The following SLC9A9 variants were observed in gnomAD, a reference collection of about 807,000 sequenced individuals.
The protein encoded by SLC9A9 is solute carrier family 9 member A9, also known as sodium/hydrogen exchanger 9.
SLC9A9 carries 62 observed loss-of-function variants against 77.8 expected under a neutral mutation model. The observed-to-expected ratio is 0.80, with a 90% CI of 0.65 to 0.98. SLC9A9 has a LOEUF of 0.98. SLC9A9 is among the 50% of genes least tolerant of loss of function. The pLI, the probability that SLC9A9 is intolerant of heterozygous loss-of-function variation, is 0.00. For synonymous variants in SLC9A9, 320 were observed against 283.5 expected (o/e 1.13, Z -1.29); for missense variants, 775 against 774.9 (o/e 1.00, Z 0.00).
At chr3:143,667,630 T>A (rs1430094222) in intron 5 of SLC9A9, among the ~76,000 whole-genome samples, 3 of 151,962 alleles carry the variant, frequency 2.0e-5, no homozygotes, top group Non-Finnish European at 4.4e-5. Context: ...TAAACAAATT[T>A]ACAAGAAAAA....
At chr3:143,450,792 C>T (rs536302974) in intron 12 of SLC9A9, among the ~76,000 whole-genome samples, 1 of 152,306 alleles carries the variant, frequency 6.6e-6, no homozygotes, top group South Asian at 2.1e-4. Context: ...ACACAGGCTG[C>T]AGTGGAGGCA....
At chr3:143,382,175 T>G in intron 12 of SLC9A9, 61 bp from the exon 13 acceptor site, 1 of 1,561,742 alleles carries the variant, frequency 6.4e-7, no homozygotes, top group Non-Finnish European at 8.8e-7. Flanking sequence ...GACAGTCTTG[T>G]GTGTCAGATG....
intron 4 of SLC9A9, among the ~76,000 whole-genome samples, chr3:143,740,514 TTA>T (rs1296833906): frequency 5.3e-5 from 8 of 152,224 alleles, no homozygotes; most frequent in Admixed American, 2.6e-4. Context: ...AGTAGGCTAG[TTA>T]TATGTTTCTT....
At chr3:143,702,610 A>G (rs1441865764) in intron 4 of SLC9A9, among the ~76,000 whole-genome samples, 1 of 152,136 alleles carries the variant, frequency 6.6e-6, no homozygotes, top group Admixed American at 6.5e-5. Context: ...ACATACCACC[A>G]GAGAACATCA....
At chr3:143,786,812 T>C (rs925363609) in intron 4 of SLC9A9, among the ~76,000 whole-genome samples, 2 of 152,130 alleles carry the variant, frequency 1.3e-5, no homozygotes, top group African/African-American at 4.8e-5. Flanking sequence ...AGAGGAAGCA[T>C]GGGGTCTTCC....
At chr3:143,774,739 A>G (rs1394427955) in intron 4 of SLC9A9, among the ~76,000 whole-genome samples, 1 of 152,176 alleles carries the variant, frequency 6.6e-6, no homozygotes, top group Non-Finnish European at 1.5e-5. Context: ...AAAGTTTTAT[A>G]TTATACATAT....
chr3:143,418,792 T>C (rs1482188738), intron 12 of SLC9A9, among the ~76,000 whole-genome samples: 2 of 152,196 alleles, frequency 1.3e-5, no homozygotes, highest in East Asian at 3.9e-4. Flanking sequence ...AACAGAGGCT[T>C]GATTGTGTGA....
At chr3:143,314,950 CTCTA>C (rs1228325112) in intron 14 of SLC9A9, among the ~76,000 whole-genome samples, 4 of 152,320 alleles carry the variant, frequency 2.6e-5, no homozygotes, top group South Asian at 2.1e-4. Context: ...CTGGACAGTG[CTCTA>C]TCTATTAGCC....
intron 1 of SLC9A9, among the ~76,000 whole-genome samples, chr3:143,837,807 A>G (rs778647427): frequency 6.6e-6 from 1 of 152,198 alleles, no homozygotes; most frequent in Non-Finnish European, 1.5e-5. Flanking sequence ...AGGTTTTCAC[A>G]TCCTACAGGA....
intron 4 of SLC9A9, among the ~76,000 whole-genome samples, chr3:143,738,368 G>A (rs764353109): frequency 1.1e-4 from 17 of 152,114 alleles, no homozygotes; most frequent in Non-Finnish European, 2.2e-4. Context: ...ATAAAATCTA[G>A]TGGCCACACC....
At chr3:143,633,601 T>A (rs996700557) in intron 6 of SLC9A9, among the ~76,000 whole-genome samples, 1 of 152,140 alleles carries the variant, frequency 6.6e-6, no homozygotes, top group African/African-American at 2.4e-5. Context: ...ATATCTTTGT[T>A]GATGTAAGCA....
intron 12 of SLC9A9, among the ~76,000 whole-genome samples, chr3:143,393,720 G>T (rs1273401367): frequency 1.3e-5 from 2 of 151,866 alleles, no homozygotes; most frequent in South Asian, 4.2e-4. Flanking sequence ...TAATAAAGAA[G>T]AAAAGAGAGA....
At chr3:143,708,959 G>C (rs2108794823) in intron 4 of SLC9A9, among the ~76,000 whole-genome samples, 1 of 152,280 alleles carries the variant, frequency 6.6e-6, no homozygotes, top group South Asian at 2.1e-4. Flanking sequence ...GGAGAACCAT[G>C]GTCTGGGGAA....
intron 12 of SLC9A9, among the ~76,000 whole-genome samples, chr3:143,460,898 T>C (rs2035178516): frequency 6.6e-6 from 1 of 152,180 alleles, no homozygotes; most frequent in Admixed American, 6.5e-5. Flanking sequence ...ATTTATGAAA[T>C]GTATTGTAGA....
intron 14 of SLC9A9, among the ~76,000 whole-genome samples, chr3:143,277,306 G>A (rs74427970): frequency 6.6e-6 from 1 of 152,164 alleles, no homozygotes; most frequent in Non-Finnish European, 1.5e-5. Context: ...GTAGTCTCCC[G>A]ACCAGCTGCA....
chr3:143,303,052 C>T (rs1265449901), intron 14 of SLC9A9, among the ~76,000 whole-genome samples: 2 of 152,182 alleles, frequency 1.3e-5, no homozygotes, highest in Non-Finnish European at 1.5e-5. Context: ...GCTCTCCAGG[C>T]ATTTCCCTTC....
chr3:143,446,880 G>GTA (rs900600219), intron 12 of SLC9A9, among the ~76,000 whole-genome samples: 6 of 114,296 alleles, frequency 5.2e-5, no homozygotes, highest in African/African-American at 1.8e-4. Context: ...GTGTGTATGT[G>GTA]TGTGTGTGTG....
At chr3:143,596,291 T>C (rs1354571704) in intron 6 of SLC9A9, among the ~76,000 whole-genome samples, 2 of 152,336 alleles carry the variant, frequency 1.3e-5, no homozygotes, top group East Asian at 3.9e-4. Flanking sequence ...TCTCAACGTG[T>C]GTGTGTGTAT....
intron 6 of SLC9A9, among the ~76,000 whole-genome samples, chr3:143,628,302 A>G (rs141132943): frequency 6.6e-6 from 1 of 152,338 alleles, no homozygotes; most frequent in East Asian, 1.9e-4. Flanking sequence ...CATTTAATAT[A>G]CACCTAACCA....
Sources: allele counts gnomAD v4.1 joint callset (sites outside exome capture counted in the v4.1 genomes callset), GRCh38; gene constraint gnomAD v4.1.1; transcripts MANE v1.5; gene names NCBI Gene and HGNC (gene_info 2026-07-23, HGNC 2026-07-21).